The following BCL6B variants were observed in gnomAD, a reference collection of about 807,000 sequenced individuals.
BCL6B encodes the protein BCL6B transcription repressor, also known as B-cell CLL/lymphoma 6 member B protein.
In BCL6B, 28 loss-of-function variants were observed where a neutral mutation model predicts 44.6. The observed-to-expected ratio is 0.63, with a 90% CI of 0.47 to 0.86. BCL6B has a LOEUF of 0.86. BCL6B is among the 40% of genes least tolerant of loss of function. The pLI is 0.00. For synonymous variants in BCL6B, 268 were observed against 263.6 expected (o/e 1.02, Z -0.16); for missense variants, 626 against 652.3 (o/e 0.96, Z 0.44).
Position 7,026,800 on chromosome 17 carries a change from T to A in BCL6B, c.1150T>A (p.Tyr384Asn), listed in dbSNP as rs756311577. ...CCGCATCCATTCGGGAGAGAAGCCG[T>A]ATAAGTGTGAGACGTGCGGCTCGCG... ...HSRIHSGEKP[Y>N]KCETCGSRFV... The change falls in exon 7 of 9, where the codon TAT (tyrosine) becomes AAT (asparagine). Residue 384 changes from tyrosine to asparagine, a missense_variant. Tyr to Asn is a moderately radical substitution (Grantham distance 143). Coordinates refer to ENST00000293805, the MANE Select transcript of BCL6B (RefSeq NM_181844.4). 9.3e-6 allele frequency: 15 copies of A among 1,613,966 alleles called. No individual in the cohort carries two copies. Among genetic ancestry groups the A allele is most frequent in the Non-Finnish European group, 8.5e-6 (10 of 1,180,040 alleles).
At position 7,023,815 on chromosome 17, in the gene BCL6B, C is replaced by G. The variant is rs1358070666; in HGVS notation, c.144C>G (p.Pro48=). Reference sequence around the variant, plus strand: ...TCACGCTGCTGGTTGGCGGGCAACCCCTCAGAGCACACAAGGCAGTTCTCA... The same window carrying G: ...TCACGCTGCTGGTTGGCGGGCAACCGCTCAGAGCACACAAGGCAGTTCTCA... The part of the protein sequence containing the change: ...TDVTLLVGGQ[P]LRAHKAVLIA... The change falls in exon 2 of 9, where the codon CCC becomes CCG. Residue 48 remains proline, a synonymous_variant. Coordinates refer to ENST00000293805, the MANE Select transcript of BCL6B (RefSeq NM_181844.4). The G allele has an allele frequency of 8.1e-6, 13 of 1,613,194 alleles. No homozygotes were observed. The highest frequency in any genetic ancestry group is 8.5e-6 in the Non-Finnish European group (10 of 1,180,018).
chr17:7,026,430 G>C (rs368010148), intron 5 of BCL6B, 27 bp from the exon 6 acceptor site: 49 of 1,611,582 alleles, frequency 3.0e-5, no homozygotes, highest in Non-Finnish European at 4.0e-5. Flanking sequence ...AATAACTATG[G>C]TTGCCGTCAC....
In BCL6B at chr17:7,026,347, A is replaced by T. The variant is rs1910285757; in HGVS notation, c.890-110A>T. ...AGTCAAACCAGCCCCAGAAGTCTTA[A>T]CAATAAATTGGGAAACAGAAAGCCT... is the stretch of plus-strand genomic sequence containing the variant. On this transcript the variant is annotated intron_variant, in intron 5 of 8. Coordinates refer to ENST00000293805, the MANE Select transcript of BCL6B (RefSeq NM_181844.4). 2.8e-6 allele frequency: 4 copies of T among 1,411,164 alleles called. No individual in the cohort carries two copies. The South Asian group carries it at 5.5e-5, about 19-fold the overall frequency. 87.4% of individuals were successfully genotyped at this position (1,411,164 alleles called of 1,614,324 possible). A position where few individuals can be genotyped will look rare whatever the true frequency, so the allele number is the denominator to read the frequency against.
At position 7,024,735 on chromosome 17, in the gene BCL6B, G is replaced by A; in HGVS notation, c.736G>A (p.Glu246Lys). The A allele has an allele frequency of 6.2e-7, 1 of 1,609,426 alleles. No individual in the cohort carries two copies. The highest frequency in any genetic ancestry group is 8.5e-7 in the Non-Finnish European group (1 of 1,178,690). The change falls in exon 4 of 9, where the codon GAA (glutamate) becomes AAA (lysine). Residue 246 changes from glutamate to lysine, a missense_variant. Glu to Lys is a moderately conservative substitution (Grantham distance 56). Coordinates refer to ENST00000293805, the MANE Select transcript of BCL6B (RefSeq NM_181844.4). This position sits in a 1 kb window ranked among gnomAD's most constrained non-coding sequence, Gnocchi z 6.6. ...SSSSSSSSSE[E>K]GPIPGPQSRL... ...CAGCAGCAGCAGCAGCAGCAGTGAAGAAGGACCCATTCCTGGTCCCCAGAG... is the reference window on the plus strand; with the variant it reads ...CAGCAGCAGCAGCAGCAGCAGTGAAAAAGGACCCATTCCTGGTCCCCAGAG...
chr17:7,027,183 C>G, intron 8 of BCL6B, 96 bp downstream of exon 8: 1 of 1,501,982 alleles, frequency 6.7e-7, no homozygotes, highest in Non-Finnish European at 9.0e-7. Context: ...GTCCCTAGAT[C>G]TCTTAGAAAT....
Position 7,025,106 on chromosome 17 carries a change from C to T in BCL6B, c.795C>T (p.Phe265=), listed in dbSNP as rs1910246507. ...CTCCAACTGCTGCCACTGTGCAGTT[C>T]AAATGTGGGGCTCCAGCCAGTACCC... ...RLSPTAATVQ[F]KCGAPASTPY... Residue 265 remains phenylalanine (F), a synonymous_variant, in exon 5 of 9, where the codon TTC becomes TTT. Coordinates refer to ENST00000293805, the MANE Select transcript of BCL6B (RefSeq NM_181844.4). 1 of 1,613,994 alleles carries T rather than the reference C, an allele frequency of 6.2e-7. No individual in the cohort carries two copies. The highest frequency in any genetic ancestry group is 1.3e-5 in the African/African-American group (1 of 74,910).
intron 5 of BCL6B, among the ~76,000 whole-genome samples, chr17:7,025,648 CA>C (rs1239918375): frequency 7.9e-5 from 12 of 152,076 alleles, no homozygotes; most frequent in Non-Finnish European, 1.8e-4. Context: ...GCCTGGGCAA[CA>C]TAGTCAGATG....
chr17:7,025,133 C>A lies in BCL6B; in HGVS notation c.822C>A (p.Pro274=), dbSNP rs1358819755. The change falls in exon 5 of 9, where the codon CCC becomes CCA. Residue 274 remains proline, a synonymous_variant. Coordinates refer to ENST00000293805, the MANE Select transcript of BCL6B (RefSeq NM_181844.4). ...AATGTGGGGCTCCAGCCAGTACCCCCTACCTCCTCACATCCCAGGCTCAAG... is the reference window on the plus strand; with the variant it reads ...AATGTGGGGCTCCAGCCAGTACCCCATACCTCCTCACATCCCAGGCTCAAG... ...QFKCGAPAST[P]YLLTSQAQDT... is the part of the protein sequence containing the mutation. 9.3e-6 allele frequency: 15 copies of A among 1,614,044 alleles called. No homozygotes were observed. Among genetic ancestry groups the A allele is most frequent in the African/African-American group, 1.3e-5 (1 of 74,914 alleles).
At chr17:7,025,007 T>C (rs1429859384) in intron 4 of BCL6B, 69 bp from the exon 5 acceptor site, 21 of 1,566,700 alleles carry the variant, frequency 1.3e-5, no homozygotes, top group African/African-American at 4.1e-5. Context: ...GGCTCCAAAT[T>C]TCCCAGGAGA....
In BCL6B at chr17:7,028,027, A is replaced by C. The variant is rs1910349730; in HGVS notation, c.*408A>C. The C allele has an allele frequency of 2.0e-6, 2 of 1,012,844 alleles. No homozygotes were observed. The highest frequency in any genetic ancestry group is 3.5e-5 in the African/African-American group (2 of 57,806). 62.7% of individuals were successfully genotyped at this position (1,012,844 alleles called of 1,614,324 possible). On this transcript the variant is annotated 3_prime_UTR_variant, in exon 9 of 9. Transcript: ENST00000293805. ...GCATTTCCCACTCCCCTCTTCCACA[A>C]GTGTGATTAAAAGTGACCAGAAACA...
rs1910356033 is a variant in BCL6B at position 7,028,250 on chromosome 17, CTTTA to C, written c.*635_*638del. 2 of 985,706 alleles carry C rather than the reference CTTTA, an allele frequency of 2.0e-6. No homozygotes were observed. The highest frequency in any genetic ancestry group is 2.4e-6 in the Non-Finnish European group (2 of 830,200). 61.1% of individuals were successfully genotyped at this position (985,706 alleles called of 1,614,324 possible). ...GCCCCTGTAATTCTAGGTCTGGAAC[CTTTA>C]TTTGTTCTAGGGCAGCTCTGGGAAC... On this transcript the variant is annotated 3_prime_UTR_variant, in exon 9 of 9. Coordinates refer to ENST00000293805, the MANE Select transcript of BCL6B (RefSeq NM_181844.4).
rs761553935 is a variant in BCL6B at position 7,027,644 on chromosome 17, T to A, written c.*25T>A. The A allele has an allele frequency of 2.5e-6, 4 of 1,611,880 alleles. No individual in the cohort carries two copies. In the African/African-American group the frequency reaches 5.3e-5, roughly 22 times the overall value. On this transcript the variant is annotated 3_prime_UTR_variant, in exon 9 of 9. Coordinates refer to ENST00000293805, the MANE Select transcript of BCL6B (RefSeq NM_181844.4). ...GCTGAGCGCAGGCCCAGGCCCCACT[T>A]GCTTCCTGCGGGTGGGAAAGCTGCA...
At chr17:7,025,009 C>A in intron 4 of BCL6B, 67 bp from the exon 5 acceptor site, 1 of 1,571,012 alleles carries the variant, frequency 6.4e-7, no homozygotes, top group Non-Finnish European at 8.6e-7. Context: ...CTCCAAATTT[C>A]CCAGGAGAGA....
Position 7,029,494 on chromosome 17 carries a change from A to G in BCL6B, c.*1875A>G, listed in dbSNP as rs1910396431. On this transcript the variant is annotated 3_prime_UTR_variant, in exon 9 of 9. Transcript: ENST00000293805. ...CTCCCCATGGCCCCACTGCAGAATTAAAGAAGGAAGAAGGGAAGGCGGAGG... is the reference window on the plus strand; with the variant it reads ...CTCCCCATGGCCCCACTGCAGAATTGAAGAAGGAAGAAGGGAAGGCGGAGG... The G allele has an allele frequency of 9.5e-7, 1 of 1,053,028 alleles. No homozygotes were observed. The highest frequency in any genetic ancestry group is 5.0e-5 in the Admixed American group (1 of 19,916). The allele number at this position is 1,053,028 out of a possible 1,614,324, so 65.2% of individuals were successfully genotyped here.
rs1910300167 is a variant in BCL6B, at chr17:7,026,705, G to A, written c.1055G>A (p.Gly352Glu). 6.2e-7 allele frequency: 1 copy of A among 1,614,234 alleles called. No homozygotes were observed. Among genetic ancestry groups the A allele is most frequent in the Non-Finnish European group, 8.5e-7 (1 of 1,180,042 alleles). The change falls in exon 7 of 9, where the codon GGG becomes GAG. Residue 352 changes from glycine (G) to glutamate (E), a missense_variant and splice_region_variant. Coordinates refer to ENST00000293805, the MANE Select transcript of BCL6B (RefSeq NM_181844.4). The stretch of plus-strand genomic sequence containing the variant: ...GATCTCCCATGTTCTCTGCCTCCAG[G>A]GGAAAAGCCTTACCACTGCTCAATC... ...NLASHRTVHT[G>E]EKPYHCSICG...
chr17:7,028,305 G>A lies in BCL6B; in HGVS notation c.*686G>A, dbSNP rs1910357517. The A allele has an allele frequency of 2.0e-6, 2 of 985,466 alleles. No homozygotes were observed. Among genetic ancestry groups the A allele is most frequent in the Admixed American group, 6.1e-5 (1 of 16,288 alleles). 61.0% of individuals were successfully genotyped at this position (985,466 alleles called of 1,614,324 possible). The stretch of plus-strand genomic sequence containing the variant: ...ATGCGGGATTGTGGAATTGGGTCAG[G>A]AACCCTCTCTGGTATTCTGGATGTT... On this transcript the variant is annotated 3_prime_UTR_variant, in exon 9 of 9. Transcript: ENST00000293805.
intron 8 of BCL6B, 71 bp from the exon 9 acceptor site, chr17:7,027,432 C>T (rs532013166): frequency 8.8e-5 from 137 of 1,555,548 alleles, no homozygotes; most frequent in African/African-American, 4.1e-4. Flanking sequence ...GAGAGCTGGA[C>T]GGCCGCCCGG....
rs577063848 is a variant in BCL6B, at chr17:7,026,536, C to T, written c.969C>T (p.Asp323=). ...SSGLDSLVPG[D]EDKPYKCQLC... is the part of the protein sequence containing the mutation. ...GGCTGGACTCCTTGGTTCCTGGGGA[C>T]GAAGACAAACCCTATAAGTGTCAGC... The change falls in exon 6 of 9, where the codon GAC becomes GAT. Residue 323 remains aspartate, a synonymous_variant. Transcript: ENST00000293805. 31 of 1,614,176 alleles carry T rather than the reference C, an allele frequency of 1.9e-5. No individual in the cohort carries two copies. Among genetic ancestry groups the T allele is most frequent in the East Asian group, 8.9e-5 (4 of 44,880 alleles).
chr17:7,029,343 T>C lies in BCL6B; in HGVS notation c.*1724T>C, dbSNP rs1369051070. The C allele has an allele frequency of 5.0e-6, 5 of 991,476 alleles. No individual in the cohort carries two copies. The highest frequency in any genetic ancestry group is 4.5e-5 in the South Asian group (1 of 22,390). 61.4% of individuals were successfully genotyped at this position (991,476 alleles called of 1,614,324 possible). A position where few individuals can be genotyped will look rare whatever the true frequency, so the allele number is the denominator to read the frequency against. ...TGTTGCCCTGGGGCTTATCTGATTA[T>C]GGGACGAGGGTAGAAAGTAAGAAGC... On this transcript the variant is annotated 3_prime_UTR_variant, in exon 9 of 9. Coordinates refer to ENST00000293805, the MANE Select transcript of BCL6B (RefSeq NM_181844.4).
Sources: gnomAD v4.1 joint callset for allele counts (sites outside exome capture counted in the v4.1 genomes callset) on GRCh38, gnomAD v4.1.1 for gene constraint, Gnocchi (gnomAD v3.1) non-coding constraint, MANE v1.5 for transcripts, NCBI Gene and HGNC (gene_info 2026-07-23, HGNC 2026-07-21) for gene names.